KIAA1328: variants seen among roughly 807,000 people sequenced by gnomAD.
KIAA1328 encodes the protein protein hinderin.
In KIAA1328, 52 loss-of-function variants were observed where a neutral mutation model predicts 68.1. The observed-to-expected ratio is 0.76, with a 90% CI of 0.61 to 0.96. KIAA1328 has a LOEUF of 0.96. Among genes scored for constraint, KIAA1328 ranks in the 40% least tolerant of loss-of-function variants. The pLI, the probability that KIAA1328 is intolerant of heterozygous loss-of-function variation, is 0.00. For synonymous variants in KIAA1328, 232 were observed against 239.4 expected (o/e 0.97, Z 0.28); for missense variants, 641 against 677.6 (o/e 0.95, Z 0.60).
chr18:37,017,823 C>T (rs1348682676), intron 6 of KIAA1328, among the ~76,000 whole-genome samples: 2 of 152,076 alleles, frequency 1.3e-5, no homozygotes, highest in African/African-American at 4.8e-5. Context: ...ACATCTTTCT[C>T]CAATCCTTTA....
chr18:37,021,502 C>A (rs1380084285), intron 6 of KIAA1328, among the ~76,000 whole-genome samples: 1 of 152,164 alleles, frequency 6.6e-6, no homozygotes, highest in East Asian at 1.9e-4. Context: ...CTTAGCACAA[C>A]AACCAAATTC....
At chr18:36,937,979 T>C (rs2151173098) in intron 5 of KIAA1328, among the ~76,000 whole-genome samples, 1 of 152,270 alleles carries the variant, frequency 6.6e-6, no homozygotes, top group South Asian at 2.1e-4. Context: ...CCATTCTGTA[T>C]AGTATATATT....
chr18:36,841,590 C>T (rs984572149), intron 3 of KIAA1328, among the ~76,000 whole-genome samples: 6 of 151,978 alleles, frequency 3.9e-5, no homozygotes, highest in Non-Finnish European at 5.9e-5. Context: ...CGGGGTTCGC[C>T]GACTTTTTCT....
At chr18:36,853,201 G>A (rs1338286182) in intron 4 of KIAA1328, among the ~76,000 whole-genome samples, 1 of 151,890 alleles carries the variant, frequency 6.6e-6, no homozygotes, top group Non-Finnish European at 1.5e-5. Context: ...TTATCTTCTG[G>A]GGAATATAAA....
At chr18:36,991,018 T>A (rs1215750726) in intron 6 of KIAA1328, among the ~76,000 whole-genome samples, 4 of 152,200 alleles carry the variant, frequency 2.6e-5, no homozygotes, top group Non-Finnish European at 2.9e-5. Context: ...TGCTCATCAT[T>A]CTTGTCTGTT....
At chr18:36,852,892 T>C (rs2150849296) in intron 4 of KIAA1328, among the ~76,000 whole-genome samples, 1 of 152,320 alleles carries the variant, frequency 6.6e-6, no homozygotes. Context: ...GTTCTATATG[T>C]TATTGAAAGT....
intron 7 of KIAA1328, among the ~76,000 whole-genome samples, chr18:37,147,268 A>G (rs2058923746): frequency 6.6e-6 from 1 of 152,250 alleles, no homozygotes; most frequent in South Asian, 2.1e-4. Context: ...CAACATATTT[A>G]TAATCGTGAA....
At chr18:36,947,113 G>A (rs1038936102) in intron 5 of KIAA1328, among the ~76,000 whole-genome samples, 38 of 152,232 alleles carry the variant, frequency 2.5e-4, no homozygotes, top group African/African-American at 7.2e-4. Context: ...GCAGTGAGCC[G>A]AGATCACGCC....
chr18:37,037,038 C>T (rs1352844692), intron 6 of KIAA1328, among the ~76,000 whole-genome samples: 1 of 152,166 alleles, frequency 6.6e-6, no homozygotes, highest in Non-Finnish European at 1.5e-5. Flanking sequence ...AAGAAAGCAA[C>T]ATCTGGCCCA....
At chr18:37,082,371 C>T (rs1033336822) in intron 7 of KIAA1328, among the ~76,000 whole-genome samples, 1 of 152,048 alleles carries the variant, frequency 6.6e-6, no homozygotes, top group African/African-American at 2.4e-5. Flanking sequence ...GGGATTTCAC[C>T]ATGTTGGCCA....
intron 7 of KIAA1328, among the ~76,000 whole-genome samples, chr18:37,144,279 A>G (rs1488303496): frequency 2.0e-5 from 3 of 151,918 alleles, no homozygotes; most frequent in Non-Finnish European, 4.4e-5. Flanking sequence ...TCCTAACTTG[A>G]GTTTTCTCCT....
chr18:36,892,092 A>G (rs1018350163), intron 5 of KIAA1328, among the ~76,000 whole-genome samples: 15 of 152,288 alleles, frequency 9.8e-5, no homozygotes, highest in African/African-American at 3.6e-4. Context: ...TCATCCCTGC[A>G]TAGGAGCCAG....
chr18:37,091,420 A>G (rs1470922444), intron 7 of KIAA1328, among the ~76,000 whole-genome samples: 1 of 152,194 alleles, frequency 6.6e-6, no homozygotes, highest in African/African-American at 2.4e-5. Context: ...ATAGGGAAAG[A>G]GTTAGCAAGT....
At chr18:36,936,907 T>C (rs2050520233) in intron 5 of KIAA1328, among the ~76,000 whole-genome samples, 1 of 152,168 alleles carries the variant, frequency 6.6e-6, no homozygotes, top group South Asian at 2.1e-4. Context: ...AAGATAATCC[T>C]AAGCAAAAAG....
chr18:36,972,369 T>C (rs1018911392), intron 6 of KIAA1328, among the ~76,000 whole-genome samples: 4 of 152,212 alleles, frequency 2.6e-5, no homozygotes, highest in African/African-American at 9.7e-5. Context: ...GTGTTTTTTA[T>C]ACCTGAACTT....
chr18:37,064,415 TC>T (rs1396313701), intron 6 of KIAA1328, among the ~76,000 whole-genome samples: 6 of 152,152 alleles, frequency 3.9e-5, no homozygotes, highest in African/African-American at 1.4e-4. Context: ...GGGATTTTTC[TC>T]CCCTTATACT....
intron 6 of KIAA1328, among the ~76,000 whole-genome samples, chr18:37,055,410 T>C (rs1309383108): frequency 1.3e-5 from 2 of 152,222 alleles, no homozygotes; most frequent in Non-Finnish European, 2.9e-5. Context: ...TTGCAACTGA[T>C]GATATAACAC....
chr18:36,905,836 T>G lies in KIAA1328; in HGVS notation c.448+20164T>G, dbSNP rs1488107115. 3.9e-5 allele frequency among the ~76,000 whole-genome samples: 6 copies of G among 152,284 alleles called. No homozygotes were observed. The East Asian group carries it at 1.2e-3, about 29-fold the overall frequency. ...TTGGCAGCTAAACATGAGCTCAGAT[T>G]GATGTCTTCAATGCCAATTAATTTA... On this transcript the variant is annotated intron_variant, in intron 5 of 9. Coordinates refer to ENST00000280020, the MANE Select transcript of KIAA1328 (RefSeq NM_020776.3).
intron 6 of KIAA1328, among the ~76,000 whole-genome samples, chr18:36,986,255 A>G (rs1282071808): frequency 6.6e-6 from 1 of 152,226 alleles, no homozygotes; most frequent in Non-Finnish European, 1.5e-5. Flanking sequence ...AAAACTGCTC[A>G]GCAATGAAAA....
Sources: allele counts gnomAD v4.1 joint callset (sites outside exome capture counted in the v4.1 genomes callset), GRCh38; gene constraint gnomAD v4.1.1; transcripts MANE v1.5; gene names NCBI Gene and HGNC (gene_info 2026-07-23, HGNC 2026-07-21).